MMADHC: variants seen among roughly 807,000 people sequenced by gnomAD.
MMADHC encodes the protein cobalamin trafficking protein CblD.
In MMADHC, 23 loss-of-function variants were observed where a neutral mutation model predicts 36.3. That is an observed-to-expected ratio of 0.63 (90% CI 0.46 to 0.90). The LOEUF (loss-of-function observed/expected upper bound fraction) is 0.90. MMADHC is among the 40% of genes least tolerant of loss of function. The pLI is 0.00. For missense variants in MMADHC, 330 were observed against 348.0 expected, an observed-to-expected ratio of 0.95 and a Z score of 0.41; for synonymous variants, 97 against 116.1, an observed-to-expected ratio of 0.84 and a Z score of 1.06.
chr2:149,585,857 C>A (rs1682862350), intron 2 of MMADHC, among the ~76,000 whole-genome samples: 1 of 151,898 alleles, frequency 6.6e-6, no homozygotes, highest in Non-Finnish European at 1.5e-5. Context: ...ATATGAACTT[C>A]TTTCTAACAA....
At chr2:149,582,688 T>C (rs376856883) in intron 2 of MMADHC, among the ~76,000 whole-genome samples, 2 of 152,218 alleles carry the variant, frequency 1.3e-5, no homozygotes, top group African/African-American at 4.8e-5. Context: ...CTTCTTTTAC[T>C]GCTATAAATT....
At position 149,575,727 on chromosome 2, in the gene MMADHC, T is replaced by C. The variant is rs1431163729; in HGVS notation, c.593A>G (p.Glu198Gly). ...VWSEEVEIER[E>G]VLLEKFINGA... ...AAGAATTACCTTTTCTAAGAGCACT[T>C]CTCTTTCAATTTCTACTTCTTCACT... Residue 198 changes from glutamate to glycine, a missense_variant, in exon 6 of 8, where the codon GAA becomes GGA. Coordinates refer to ENST00000303319, the MANE Select transcript of MMADHC (RefSeq NM_015702.3). The C allele has an allele frequency of 6.2e-7, 1 of 1,601,998 alleles. No individual in the cohort carries two copies. The highest frequency in any genetic ancestry group is 1.1e-5 in the South Asian group (1 of 89,030).
chr2:149,581,813 A>T (rs181545688), intron 3 of MMADHC, among the ~76,000 whole-genome samples: 1 of 152,362 alleles, frequency 6.6e-6, no homozygotes, highest in East Asian at 1.9e-4. Context: ...ACATTTATGA[A>T]ATCTAGCAAA....
intron 2 of MMADHC, among the ~76,000 whole-genome samples, chr2:149,584,503 A>C (rs900063983): frequency 3.9e-5 from 6 of 152,206 alleles, no homozygotes; most frequent in African/African-American, 1.4e-4. Flanking sequence ...ATTATTTCAA[A>C]AATCGCCTAT....
At chr2:149,570,553 A>G (rs1469820696) in intron 7 of MMADHC, among the ~76,000 whole-genome samples, 1 of 152,224 alleles carries the variant, frequency 6.6e-6, no homozygotes, top group Non-Finnish European at 1.5e-5. Context: ...ATATATTCCT[A>G]TCTTAAGATT....
intron 7 of MMADHC, among the ~76,000 whole-genome samples, chr2:149,570,382 T>A (rs993495232): frequency 6.6e-6 from 1 of 152,202 alleles, no homozygotes; most frequent in Admixed American, 6.5e-5. Flanking sequence ...AAATTACATG[T>A]TACCTAGAAT....
chr2:149,578,214 A>C (rs1463336499), intron 4 of MMADHC, among the ~76,000 whole-genome samples: 1 of 152,192 alleles, frequency 6.6e-6, no homozygotes, highest in East Asian at 1.9e-4. Context: ...AACTCTGGCA[A>C]AGAATTGAAA....
intron 6 of MMADHC, among the ~76,000 whole-genome samples, chr2:149,573,649 T>C (rs1287727369): frequency 3.3e-5 from 5 of 152,242 alleles, no homozygotes; most frequent in Non-Finnish European, 7.3e-5. Flanking sequence ...AAGATAATAC[T>C]GTATTCTTTA....
At chr2:149,587,370 G>A in intron 1 of MMADHC, 1 of 544,928 alleles carries the variant, frequency 1.8e-6, no homozygotes, top group Non-Finnish European at 3.3e-6. Context: ...GTTTACAGCC[G>A]CGGAAAAACA....
chr2:149,587,058 T>C, intron 2 of MMADHC, 31 bp downstream of exon 2: 1 of 1,609,908 alleles, frequency 6.2e-7, no homozygotes, highest in South Asian at 1.1e-5. Flanking sequence ...ACGAGTTTAC[T>C]ATGCTGATTC....
At chr2:149,573,256 A>G (rs1682669790) in intron 6 of MMADHC, among the ~76,000 whole-genome samples, 1 of 152,142 alleles carries the variant, frequency 6.6e-6, no homozygotes, top group Non-Finnish European at 1.5e-5. Context: ...AAACAAACAA[A>G]CAAACAAACA....
chr2:149,584,512 ATTAT>A (rs1558849620), intron 2 of MMADHC, among the ~76,000 whole-genome samples: 2 of 152,190 alleles, frequency 1.3e-5, no homozygotes, highest in South Asian at 2.1e-4. Context: ...AAAATCGCCT[ATTAT>A]TTATTATTTT....
At position 149,569,808 on chromosome 2, in the gene MMADHC, C is replaced by A. The variant is rs1157810835; in HGVS notation, c.*166G>T. ...GTATTCAATGATATGAATAAATGAA[C>A]ATTTGCAATTTTAAAATCCCAAATC... On this transcript the variant is annotated 3_prime_UTR_variant, in exon 8 of 8. Coordinates refer to ENST00000303319, the MANE Select transcript of MMADHC (RefSeq NM_015702.3). 1.2e-5 allele frequency: 8 copies of A among 647,282 alleles called. No individual in the cohort carries two copies. The highest frequency in any genetic ancestry group is 4.3e-4 in the Middle Eastern group (1 of 2,340). The allele number at this position is 647,282 out of a possible 1,614,324, so 40.1% of individuals were successfully genotyped here.
intron 7 of MMADHC, among the ~76,000 whole-genome samples, chr2:149,570,523 T>C (rs1008783505): frequency 6.6e-6 from 1 of 152,228 alleles, no homozygotes. Context: ...ATATCTTATT[T>C]GACTTTGAGA....
chr2:149,574,475 A>G (rs1325740615), intron 6 of MMADHC, among the ~76,000 whole-genome samples: 1 of 152,170 alleles, frequency 6.6e-6, no homozygotes, highest in Non-Finnish European at 1.5e-5. Context: ...CCCAAATATA[A>G]AATACTTCCT....
At chr2:149,581,554 C>T (rs992407792) in intron 3 of MMADHC, among the ~76,000 whole-genome samples, 1 of 152,118 alleles carries the variant, frequency 6.6e-6, no homozygotes, top group Non-Finnish European at 1.5e-5. Context: ...CTCAAACTTA[C>T]CTACCACAGA....
At chr2:149,587,486 C>A (rs961115310) in intron 1 of MMADHC, 178 bp downstream of exon 1, 1 of 318,216 alleles carries the variant, frequency 3.1e-6, no homozygotes, top group East Asian at 7.0e-5. Context: ...AACAACAGCT[C>A]CAAGCAAAGC....
chr2:149,578,216 G>T (rs912728272), intron 4 of MMADHC, among the ~76,000 whole-genome samples: 1 of 152,140 alleles, frequency 6.6e-6, no homozygotes, highest in Non-Finnish European at 1.5e-5. Flanking sequence ...CTCTGGCAAA[G>T]AATTGAAAGG....
chr2:149,570,062 C>T lies in MMADHC; in HGVS notation c.803G>A (p.Ser268Asn). The change falls in exon 8 of 8, where the codon AGT (serine) becomes AAT (asparagine). Residue 268 changes from serine to asparagine, a missense_variant. Transcript: ENST00000303319. ...TACAACTACATGGGTACCCCAGAGA[C>T]TATGACGAATCACTTTACAGCATCC... ...DLGCCKVIRH[S>N]LWGTHVVVGS... The T allele has an allele frequency of 1.2e-6, 2 of 1,613,678 alleles. No homozygotes were observed. Among genetic ancestry groups the T allele is most frequent in the Non-Finnish European group, 1.7e-6 (2 of 1,179,684 alleles).
Sources: gnomAD v4.1 joint callset for allele counts (sites outside exome capture counted in the v4.1 genomes callset) on GRCh38, gnomAD v4.1.1 for gene constraint, MANE v1.5 for transcripts, NCBI Gene and HGNC (gene_info 2026-07-23, HGNC 2026-07-21) for gene names.